SPATA7: variants seen among roughly 807,000 people sequenced by gnomAD.
SPATA7 encodes spermatogenesis-associated protein 7.
In SPATA7, 43 loss-of-function variants were observed where a neutral mutation model predicts 51.8. That is an observed-to-expected ratio of 0.83 (90% CI 0.65 to 1.07). The LOEUF is 1.07. Among genes scored for constraint, SPATA7 ranks in the 50% least tolerant of loss-of-function variants. The probability of loss-of-function intolerance (pLI) is 0.00; values close to 1 mark genes in which losing one functional copy is unlikely to be tolerated. For missense variants in SPATA7, 683 were observed against 701.3 expected, an observed-to-expected ratio of 0.97 and a Z score of 0.30; for synonymous variants, 230 against 252.8, an observed-to-expected ratio of 0.91 and a Z score of 0.86.
At chr14:88,386,106 T>A (rs1259324193) in intron 1 of SPATA7, 6 of 1,271,690 alleles carry the variant, frequency 4.7e-6, no homozygotes, top group Non-Finnish European at 6.3e-6. Flanking sequence ...TCGTGCAGCC[T>A]TTAAAACCTC....
chr14:88,455,668 GC>G (rs2077279354), downstream of SPATA7, among the ~76,000 whole-genome samples: 1 of 150,074 alleles, frequency 6.7e-6, no homozygotes, highest in Non-Finnish European at 1.5e-5. Context: ...ACATAAAATT[GC>G]TTTTTTTTTT....
intron 3 of SPATA7, among the ~76,000 whole-genome samples, chr14:88,448,959 C>T (rs1166950369): frequency 2.0e-5 from 3 of 152,182 alleles, no homozygotes; most frequent in Non-Finnish European, 4.4e-5. Flanking sequence ...CTCTCCTTTT[C>T]TTCGTTAATC....
At position 88,431,210 on chromosome 14, in the gene SPATA7, G is replaced by C. The variant is rs151154007; in HGVS notation, c.1067G>C (p.Arg356Pro). The C allele has an allele frequency of 9.3e-6, 15 of 1,613,432 alleles. No homozygotes were observed. Among genetic ancestry groups the C allele is most frequent in the African/African-American group, 1.3e-5 (1 of 74,994 alleles). The change falls in exon 9 of 12, where the codon CGT (arginine) becomes CCT (proline). Residue 356 changes from arginine (R) to proline (P), a missense_variant. Arg to Pro is a moderately radical substitution (Grantham distance 103, BLOSUM62 -2). Coordinates refer to ENST00000393545, the MANE Select transcript of SPATA7 (RefSeq NM_018418.5). Reference protein sequence around the residue: ...CQYSLKPPSTRKIYSDEEELL... With the variant: ...CQYSLKPPSTPKIYSDEEELL... ...TATTCCCTGAAGCCCCCTTCAACTC[G>C]TAAAATCTACTCTGAGTAAGATCTT... is the stretch of plus-strand genomic sequence containing the variant.
At chr14:88,408,820 G>A (rs926015953) in intron 4 of SPATA7, among the ~76,000 whole-genome samples, 5 of 152,148 alleles carry the variant, frequency 3.3e-5, no homozygotes, top group South Asian at 2.1e-4. Context: ...AGCATGAAGC[G>A]CTGTTGAATT....
chr14:88,395,987 A>G (rs2075868738), intron 3 of SPATA7, among the ~76,000 whole-genome samples, 169 bp from the exon 4 acceptor site: 1 of 152,108 alleles, frequency 6.6e-6, no homozygotes, highest in Non-Finnish European at 1.5e-5. Flanking sequence ...GCAGTATTGA[A>G]TGAGTTATTA....
intron 4 of SPATA7, among the ~76,000 whole-genome samples, chr14:88,402,003 A>AACTGTGAACTGAACTG (rs2076075099): frequency 6.6e-6 from 1 of 152,270 alleles, no homozygotes; most frequent in East Asian, 1.9e-4. Context: ...TTCTGTACAC[A>AACTGTGAACTGAACTG]AACAACTGTC....
At chr14:88,430,217 T>A (rs1566783689) in intron 8 of SPATA7, among the ~76,000 whole-genome samples, 1 of 152,028 alleles carries the variant, frequency 6.6e-6, no homozygotes, top group Non-Finnish European at 1.5e-5. Context: ...ACTAGGGAAG[T>A]ACACACAATC....
intron 4 of SPATA7, among the ~76,000 whole-genome samples, chr14:88,401,297 A>G (rs2076049721): frequency 6.6e-6 from 1 of 152,226 alleles, no homozygotes; most frequent in Non-Finnish European, 1.5e-5. Flanking sequence ...AAAATTCAGC[A>G]TCCATTCATG....
intron 2 of SPATA7, 79 bp from the exon 3 acceptor site, chr14:88,393,314 G>A: frequency 2.1e-6 from 2 of 972,614 alleles, no homozygotes; most frequent in South Asian, 3.0e-5. Context: ...ATAAGAATGA[G>A]TTAAATAATC....
At chr14:88,431,248 G>C (rs760322259) in intron 9 of SPATA7, 23 bp downstream of exon 9, 1 of 1,594,820 alleles carries the variant, frequency 6.3e-7, no homozygotes, top group South Asian at 1.1e-5. Context: ...TTAAGTCTTC[G>C]TTTTGCATAG....
intron 3 of SPATA7, among the ~76,000 whole-genome samples, chr14:88,448,334 A>G (rs2077228296): frequency 6.6e-6 from 1 of 152,174 alleles, no homozygotes; most frequent in Non-Finnish European, 1.5e-5. Flanking sequence ...TTTCAGCTCC[A>G]TCAGCTCCTT....
chr14:88,424,570 C>T (rs1297019372), intron 5 of SPATA7, among the ~76,000 whole-genome samples: 1 of 152,102 alleles, frequency 6.6e-6, no homozygotes, highest in Admixed American at 6.5e-5. Context: ...TCAGTTTGTG[C>T]TGTTCTTCTA....
chr14:88,445,442 T>C (rs920084440), intron 3 of SPATA7, among the ~76,000 whole-genome samples: 7 of 152,182 alleles, frequency 4.6e-5, no homozygotes, highest in Admixed American at 1.3e-4. Context: ...CAGGGACAGT[T>C]TGACTTCCTC....
At chr14:88,406,419 G>A (rs1047564644) in intron 4 of SPATA7, among the ~76,000 whole-genome samples, 3 of 149,380 alleles carry the variant, frequency 2.0e-5, no homozygotes, top group Non-Finnish European at 4.4e-5. Flanking sequence ...CTAGCCCCAG[G>A]CAACCACTAA....
At chr14:88,397,153 G>A (rs1157369775) in intron 4 of SPATA7, among the ~76,000 whole-genome samples, 1 of 152,082 alleles carries the variant, frequency 6.6e-6, no homozygotes, top group Non-Finnish European at 1.5e-5. Flanking sequence ...GTCCCCCAAA[G>A]TGCTGGGATT....
exon 5 of SPATA7, chr14:88,470,332 A>AAG: frequency 2.5e-6 from 1 of 401,724 alleles, no homozygotes; most frequent in Non-Finnish European, 4.5e-6. Flanking sequence ...TTATACAATA[A>AAG]AGATACTGCC....
At chr14:88,427,795 T>A (rs2076837737) in intron 7 of SPATA7, 99 bp downstream of exon 7, 1 of 893,368 alleles carries the variant, frequency 1.1e-6, no homozygotes, top group Non-Finnish European at 1.8e-6. Context: ...AAGAATAATC[T>A]GTTGGTGGCA....
intron 4 of SPATA7, 188 bp from the exon 5 acceptor site, chr14:88,416,523 A>G: frequency 1.9e-6 from 1 of 513,238 alleles, no homozygotes; most frequent in Non-Finnish European, 3.5e-6. Context: ...GTTAATATCT[A>G]GAGGCACATG....
downstream of SPATA7, among the ~76,000 whole-genome samples, chr14:88,440,359 C>T (rs1387897459): frequency 6.6e-6 from 1 of 152,166 alleles, no homozygotes; most frequent in African/African-American, 2.4e-5. Flanking sequence ...ATTTGGATAC[C>T]TATTAGGACA....
Sources: gnomAD v4.1 joint callset for allele counts (sites outside exome capture counted in the v4.1 genomes callset) on GRCh38, gnomAD v4.1.1 for gene constraint, MANE v1.5 for transcripts, NCBI Gene and HGNC (gene_info 2026-07-23, HGNC 2026-07-21) for gene names.